Variants in HTR2C observed in about 807,000 individuals in gnomAD.
The protein encoded by HTR2C is 5-hydroxytryptamine (serotonin) receptor 2C, G protein-coupled.
In HTR2C, 5 loss-of-function variants were observed where a neutral mutation model predicts 21.0. That is an observed-to-expected ratio of 0.24 (90% CI 0.12 to 0.50). The LOEUF (loss-of-function observed/expected upper bound fraction) is 0.50, where lower values mean the gene tolerates loss of function less well. Among genes scored for constraint, HTR2C ranks in the 20% least tolerant of loss-of-function variants. The probability of loss-of-function intolerance (pLI) is 0.98; values close to 1 mark genes in which losing one functional copy is unlikely to be tolerated. For missense variants in HTR2C, 271 were observed against 371.2 expected (o/e 0.73, Z 2.22); for synonymous variants, 150 against 145.3 (o/e 1.03, Z -0.23).
chrX:114,597,570 A>G (rs1467972123), intron 1 of HTR2C, among the ~76,000 whole-genome samples: 1 of 112,107 alleles, frequency 8.9e-6, no homozygotes, highest in Non-Finnish European at 1.9e-5. Context: ...ACAGAAGGAC[A>G]ATATTCCAAA....
At chrX:114,604,545 G>A (rs28831128) in intron 1 of HTR2C, among the ~76,000 whole-genome samples, 17,209 of 106,192 alleles carry the variant, frequency 0.16, 957 homozygotes, top group South Asian at 0.28. Context: ...CTTCCGAGGC[G>A]ATCGGGCAGT....
chrX:114,676,950 T>G (rs2147852358), intron 2 of HTR2C, among the ~76,000 whole-genome samples: 1 of 112,272 alleles, frequency 8.9e-6, no homozygotes, highest in East Asian at 2.8e-4. Context: ...ATGGGACTCC[T>G]TAATTGAATT....
At chrX:114,608,424 C>T (rs781924144) in intron 1 of HTR2C, among the ~76,000 whole-genome samples, 80 of 87,332 alleles carry the variant, frequency 9.2e-4, no homozygotes, top group African/African-American at 3.3e-3. Context: ...ACTTCTTCAA[C>T]CCCCAGCACT....
chrX:114,720,107 A>T (rs1424186477), intron 2 of HTR2C, among the ~76,000 whole-genome samples: 1 of 111,262 alleles, frequency 9.0e-6, no homozygotes, highest in Non-Finnish European at 1.9e-5. Flanking sequence ...TTATTTTCAG[A>T]CCTCCCAGAG....
chrX:114,851,439 T>C (rs2070916951), intron 5 of HTR2C, among the ~76,000 whole-genome samples: 1 of 112,175 alleles, frequency 8.9e-6, no homozygotes, highest in Non-Finnish European at 1.9e-5. Flanking sequence ...AACTTTGACC[T>C]AATGGATTTC....
intron 2 of HTR2C, among the ~76,000 whole-genome samples, chrX:114,629,507 A>G (rs1471240891): frequency 2.7e-5 from 3 of 111,940 alleles, no homozygotes; most frequent in Non-Finnish European, 5.6e-5. Context: ...AAGTAATGGG[A>G]CATTTTATAC....
At chrX:114,840,482 G>C (rs1449858924) in intron 4 of HTR2C, among the ~76,000 whole-genome samples, 4 of 110,973 alleles carry the variant, frequency 3.6e-5, no homozygotes, top group Non-Finnish European at 7.5e-5. Flanking sequence ...ATTAAGATCA[G>C]AGCGAAACAC....
At chrX:114,726,629 T>G (rs1164949145) in intron 2 of HTR2C, among the ~76,000 whole-genome samples, 1 of 112,540 alleles carries the variant, frequency 8.9e-6, no homozygotes, top group African/African-American at 3.2e-5. Flanking sequence ...AAACCATGTA[T>G]AAATAAAACA....
chrX:114,866,715 T>C (rs1286184724), intron 5 of HTR2C, among the ~76,000 whole-genome samples: 5 of 110,750 alleles, frequency 4.5e-5, no homozygotes, highest in Non-Finnish European at 9.4e-5. Flanking sequence ...TCAATTGTTT[T>C]GATTTTTAGA....
At chrX:114,696,202 A>G (rs782426377) in intron 2 of HTR2C, among the ~76,000 whole-genome samples, 6 of 111,783 alleles carry the variant, frequency 5.4e-5, no homozygotes, top group African/African-American at 1.6e-4. Context: ...ATGAACTTAT[A>G]TCTATCCTCC....
chrX:114,589,762 T>C, intron 1 of HTR2C: 1 of 284,411 alleles, frequency 3.5e-6, no homozygotes, highest in Non-Finnish European at 6.5e-6. Flanking sequence ...GTGAATATGG[T>C]GGGCAGACTA....
At chrX:114,765,027 T>TTTTC (rs1351915365) in intron 4 of HTR2C, among the ~76,000 whole-genome samples, 1 of 107,033 alleles carries the variant, frequency 9.3e-6, no homozygotes, top group Non-Finnish European at 1.9e-5. Context: ...TTTCTTTCTT[T>TTTTC]TTTCTTTCTT....
chrX:114,779,462 T>G (rs1047377063), intron 4 of HTR2C, among the ~76,000 whole-genome samples: 2 of 111,618 alleles, frequency 1.8e-5, no homozygotes, highest in African/African-American at 3.3e-5. Flanking sequence ...AGTACTGATG[T>G]TTTCCATATA....
At position 114,805,810 on chromosome X, in the gene HTR2C, C is replaced by CACCATATATATACCATATATAT. The variant is rs1182632938; in HGVS notation, c.350-42182_350-42161dup. On this transcript the variant is annotated intron_variant, in intron 4 of 5. Transcript: ENST00000276198. ...ACACCATATATATACCATGTATATA[C>CACCATATATATACCATATATAT]ACCATATATATACCATATATATACC... Among the ~76,000 whole-genome samples the CACCATATATATACCATATATAT allele has an allele frequency of 9.9e-4, 93 of 93,724 alleles. 2 individuals are homozygous for CACCATATATATACCATATATAT. The highest frequency in any genetic ancestry group is 3.9e-3 in the African/African-American group (86 of 21,812). The allele number at this position is 93,724 out of a possible 115,157, so 81.4% of individuals were successfully genotyped here. A position where few individuals can be genotyped will look rare whatever the true frequency, so the allele number is the denominator to read the frequency against.
rs1260853511 is a variant in HTR2C at position 114,596,114 on chromosome X, A to G, written c.-147+11455A>G. 4.5e-5 allele frequency among the ~76,000 whole-genome samples: 5 copies of G among 112,254 alleles called. No individual in the cohort carries two copies. In the East Asian group the frequency reaches 1.1e-3, roughly 25 times the overall value. Reference sequence around the variant, plus strand: ...AAACATTTCTACCTTACCCACACACATGGCATATTTTTAAAATACAGAAGC... The same window carrying G: ...AAACATTTCTACCTTACCCACACACGTGGCATATTTTTAAAATACAGAAGC... On this transcript the variant is annotated intron_variant, in intron 1 of 5. Coordinates refer to ENST00000276198, the MANE Select transcript of HTR2C (RefSeq NM_000868.4).
chrX:114,895,678 T>C (rs1306567901), intron 5 of HTR2C, among the ~76,000 whole-genome samples: 2 of 111,998 alleles, frequency 1.8e-5, no homozygotes, highest in African/African-American at 6.5e-5. Flanking sequence ...TTTTTGAATA[T>C]TGACATTTAG....
intron 4 of HTR2C, among the ~76,000 whole-genome samples, chrX:114,789,533 A>G (rs1556442947): frequency 2.7e-5 from 3 of 111,500 alleles, no homozygotes; most frequent in African/African-American, 9.8e-5. Context: ...GAAAGAAAAT[A>G]ATTAACTAAT....
intron 1 of HTR2C, 80 bp from the exon 2 acceptor site, chrX:114,613,735 A>T (rs782441883): frequency 8.9e-6 from 1 of 111,803 alleles, no homozygotes; most frequent in Non-Finnish European, 1.9e-5. Context: ...GCCATTCATT[A>T]TATGTGAATG....
intron 4 of HTR2C, among the ~76,000 whole-genome samples, chrX:114,802,081 G>C (rs1389564908): frequency 9.0e-6 from 1 of 110,842 alleles, no homozygotes; most frequent in Non-Finnish European, 1.9e-5. Context: ...CTTCAAAAAG[G>C]TCCATTTATG....
Sources: gnomAD v4.1 joint callset for allele counts (sites outside exome capture counted in the v4.1 genomes callset) on GRCh38, gnomAD v4.1.1 for gene constraint, MANE v1.5 for transcripts, NCBI Gene and HGNC (gene_info 2026-07-23, HGNC 2026-07-21) for gene names.